Variants in PCDH9 observed in about 807,000 individuals in gnomAD.
PCDH9 encodes the protein protocadherin 9.
Under a neutral mutation model 70.6 loss-of-function variants are expected in PCDH9, and 24 were observed. The observed-to-expected ratio is 0.34, with a 90% confidence interval of 0.25 to 0.48. PCDH9 has a LOEUF of 0.48. PCDH9 is among the 20% of genes least tolerant of loss of function. PCDH9 has a pLI of 0.99. For synonymous variants in PCDH9, 562 were observed against 558.5 expected, an observed-to-expected ratio of 1.01 and a Z score of -0.09; for missense variants, 1,281 against 1,503.6, an observed-to-expected ratio of 0.85 and a Z score of 2.45.
rs1236648809 is a variant in PCDH9 at position 66,601,094 on chromosome 13, T to C, written c.3340+30116A>G. Among the ~76,000 whole-genome samples the C allele has an allele frequency of 2.8e-5, 4 of 145,070 alleles. 1 individual carries two copies. Among genetic ancestry groups the C allele is most frequent in the African/African-American group, 9.9e-5 (4 of 40,376 alleles). Reference sequence around the variant, plus strand: ...ACATCAATTTATATTTGAAATGTCTTTATGATTCAGGTTACTATTTTATTC... The same window carrying C: ...ACATCAATTTATATTTGAAATGTCTCTATGATTCAGGTTACTATTTTATTC... On this transcript the variant is annotated intron_variant, in intron 4 of 4. Transcript: ENST00000377865.
At chr13:66,409,947 T>C (rs1302979601) in intron 4 of PCDH9, among the ~76,000 whole-genome samples, 2 of 152,172 alleles carry the variant, frequency 1.3e-5, no homozygotes, top group Non-Finnish European at 2.9e-5. Context: ...TTCCCAGTAG[T>C]CACCTAACAG....
At chr13:66,916,651 T>A (rs892557780) in intron 2 of PCDH9, among the ~76,000 whole-genome samples, 3 of 151,524 alleles carry the variant, frequency 2.0e-5, no homozygotes, top group African/African-American at 7.3e-5. Context: ...ATAACTTGGA[T>A]CCCGTTGTGT....
At chr13:67,175,003 G>A (rs1192563800) in intron 2 of PCDH9, among the ~76,000 whole-genome samples, 2 of 150,618 alleles carry the variant, frequency 1.3e-5, no homozygotes, top group Admixed American at 6.6e-5. Flanking sequence ...CAGAGTGACG[G>A]TACAAGCCTA....
At chr13:66,858,031 T>C (rs1292591709) in intron 3 of PCDH9, among the ~76,000 whole-genome samples, 2 of 152,166 alleles carry the variant, frequency 1.3e-5, no homozygotes, top group Non-Finnish European at 2.9e-5. Context: ...CTGTGGAATC[T>C]TCCTTTCATC....
At chr13:66,750,222 G>T (rs191434693) in intron 3 of PCDH9, among the ~76,000 whole-genome samples, 8 of 152,016 alleles carry the variant, frequency 5.3e-5, no homozygotes, top group Non-Finnish European at 8.8e-5. Flanking sequence ...ACAAATATTC[G>T]CTAATAGAAG....
chr13:67,147,012 AGGCAAGT>A (rs2087538616), intron 2 of PCDH9, among the ~76,000 whole-genome samples: 1 of 152,078 alleles, frequency 6.6e-6, no homozygotes, highest in Non-Finnish European at 1.5e-5. Flanking sequence ...AGGTGCCCAG[AGGCAAGT>A]GGAAGCATTT....
At chr13:66,352,421 C>T (rs1442666896) in intron 4 of PCDH9, among the ~76,000 whole-genome samples, 1 of 152,098 alleles carries the variant, frequency 6.6e-6, no homozygotes. Context: ...AGAAATATTG[C>T]ATAGCTCTGG....
At chr13:67,127,363 A>G (rs1053291605) in intron 2 of PCDH9, among the ~76,000 whole-genome samples, 3 of 152,154 alleles carry the variant, frequency 2.0e-5, no homozygotes, top group Admixed American at 2.0e-4. Context: ...ATCTCTAATT[A>G]CATTGCAGGG....
intron 3 of PCDH9, among the ~76,000 whole-genome samples, chr13:66,824,144 C>G (rs1249637993): frequency 6.6e-6 from 1 of 151,570 alleles, no homozygotes; most frequent in Non-Finnish European, 1.5e-5. Context: ...AAAATGGAAT[C>G]TCCTTTAAGC....
chr13:66,414,616 A>T (rs568009185), intron 4 of PCDH9, among the ~76,000 whole-genome samples: 11 of 152,224 alleles, frequency 7.2e-5, no homozygotes, highest in Non-Finnish European at 1.3e-4. Context: ...GGAGTTAAAG[A>T]ATTTTAAAGG....
chr13:66,972,476 A>G (rs980150), intron 2 of PCDH9, among the ~76,000 whole-genome samples: 89,652 of 151,756 alleles, frequency 0.59, 27,927 homozygotes, highest in Middle Eastern at 0.74. Context: ...TATATCCTGA[A>G]GAAGAACACG....
chr13:66,967,365 T>G (rs1396177550), intron 2 of PCDH9, among the ~76,000 whole-genome samples: 1 of 152,060 alleles, frequency 6.6e-6, no homozygotes, highest in Non-Finnish European at 1.5e-5. Context: ...AAATTTAAAC[T>G]AATAAAAATT....
At chr13:67,139,748 C>A (rs192631697) in intron 2 of PCDH9, among the ~76,000 whole-genome samples, 86 of 152,252 alleles carry the variant, frequency 5.6e-4, no homozygotes, top group African/African-American at 2.0e-3. Context: ...ACGACATCTG[C>A]TCTGCAGTAC....
intron 3 of PCDH9, among the ~76,000 whole-genome samples, chr13:66,771,770 T>C (rs1022287074): frequency 1.3e-5 from 2 of 152,202 alleles, no homozygotes; most frequent in Non-Finnish European, 1.5e-5. Context: ...TTCTCAGTTT[T>C]CCAATTATAA....
At chr13:66,381,639 A>G (rs1166589875) in intron 4 of PCDH9, among the ~76,000 whole-genome samples, 5 of 152,222 alleles carry the variant, frequency 3.3e-5, no homozygotes, top group Admixed American at 3.3e-4. Flanking sequence ...ATAAGCATAC[A>G]GCCAGTCAGT....
At position 66,318,402 on chromosome 13, in the gene PCDH9, A is replaced by C. The variant is rs1014347404; in HGVS notation, c.3341-13374T>G. On this transcript the variant is annotated intron_variant, in intron 4 of 4. Coordinates refer to ENST00000377865, the MANE Select transcript of PCDH9 (RefSeq NM_203487.3). The stretch of plus-strand genomic sequence containing the variant: ...ACGAGCAGTCCCAAATATTCAATAG[A>C]TACAATGTTGCCATATTTATCACAG... Among the ~76,000 whole-genome samples the C allele has an allele frequency of 4.6e-5, 7 of 152,300 alleles. No homozygotes were observed. In the South Asian group the frequency reaches 1.4e-3, roughly 32 times the overall value.
chr13:66,518,895 AG>A (rs1344322547), intron 4 of PCDH9, among the ~76,000 whole-genome samples: 1 of 152,196 alleles, frequency 6.6e-6, no homozygotes, highest in Non-Finnish European at 1.5e-5. Context: ...ATTGGAACAC[AG>A]TATTTCCAAG....
chr13:66,783,484 TA>T (rs1424795718), intron 3 of PCDH9, among the ~76,000 whole-genome samples: 2 of 152,152 alleles, frequency 1.3e-5, no homozygotes, highest in African/African-American at 4.8e-5. Flanking sequence ...AAGGCAGGTA[TA>T]TTCTGAACAC....
At chr13:66,751,907 T>C (rs575332284) in intron 3 of PCDH9, among the ~76,000 whole-genome samples, 1 of 152,332 alleles carries the variant, frequency 6.6e-6, no homozygotes, top group East Asian at 1.9e-4. Flanking sequence ...ATGAAACTTA[T>C]GGTTTAGTGC....
Sources: gnomAD v4.1 joint callset for allele counts (sites outside exome capture counted in the v4.1 genomes callset) on GRCh38, gnomAD v4.1.1 for gene constraint, MANE v1.5 for transcripts, NCBI Gene and HGNC (gene_info 2026-07-23, HGNC 2026-07-21) for gene names.